The following DYNC2I1 variants were observed in gnomAD, a reference collection of about 807,000 sequenced individuals.
DYNC2I1 encodes the protein dynein 2 intermediate chain 1.
DYNC2I1 carries 89 observed loss-of-function variants against 133.4 expected under a neutral mutation model. The ratio of observed to expected loss-of-function variants is 0.67; its 90% CI spans 0.56 to 0.80. The LOEUF (loss-of-function observed/expected upper bound fraction) is 0.80, where lower values mean the gene tolerates loss of function less well. Ranked by LOEUF, DYNC2I1 falls within the 30% of genes least tolerant of loss-of-function variation. The pLI, the probability that DYNC2I1 is intolerant of heterozygous loss-of-function variation, is 0.00. For missense variants in DYNC2I1, 1,291 were observed against 1,314.5 expected (o/e 0.98, Z 0.28); for synonymous variants, 504 against 484.3 (o/e 1.04, Z -0.54).
intron 4 of DYNC2I1, 125 bp from the exon 5 acceptor site, chr7:158,879,559 T>C (rs1014867796): frequency 2.9e-6 from 3 of 1,040,626 alleles, no homozygotes; most frequent in Non-Finnish European, 2.7e-6. Context: ...ACAGACACGA[T>C]TTTCTTCAAA....
chr7:158,864,924 G>A (rs1192780936), intron 1 of DYNC2I1, among the ~76,000 whole-genome samples: 2 of 152,240 alleles, frequency 1.3e-5, no homozygotes, highest in Non-Finnish European at 2.9e-5. Flanking sequence ...AGCAAGGGGA[G>A]AAGCCCACTG....
At chr7:158,856,843 G>C in intron 1 of DYNC2I1, 93 bp downstream of exon 1, 4 of 1,207,990 alleles carry the variant, frequency 3.3e-6, no homozygotes, top group Non-Finnish European at 4.1e-6. Context: ...CTCCCTTTGC[G>C]CAGCGGTTCT....
downstream of DYNC2I1, among the ~76,000 whole-genome samples, chr7:158,948,569 G>A (rs557068507): frequency 1.7e-5 from 2 of 119,954 alleles, no homozygotes; most frequent in East Asian, 2.8e-4. Flanking sequence ...CTTCGGACAC[G>A]GGAGGTGCTC....
At position 158,906,456 on chromosome 7, in the gene DYNC2I1, TTTTA is replaced by T. The variant is rs538764815; in HGVS notation, c.1460+377_1460+380del. Reference sequence around the variant, plus strand: ...AGGAGTAAATGAAAAAAATAAATATTTTTATTTATTTATTTTTTTGAGACAGAGT... The same window carrying T: ...AGGAGTAAATGAAAAAAATAAATATTTTTATTTATTTTTTTGAGACAGAGT... On this transcript the variant is annotated intron_variant, in intron 11 of 24. Coordinates refer to ENST00000407559, the MANE Select transcript of DYNC2I1 (RefSeq NM_018051.5). Among the ~76,000 whole-genome samples, 216 of 152,208 alleles carry T rather than the reference TTTTA, an allele frequency of 1.4e-3. 1 individual carries two copies. Among genetic ancestry groups the T allele is most frequent in the South Asian group, 0.013 (63 of 4,822 alleles).
chr7:158,940,836 C>T (rs188681996), intron 23 of DYNC2I1, among the ~76,000 whole-genome samples: 4 of 152,134 alleles, frequency 2.6e-5, no homozygotes, highest in Admixed American at 2.6e-4. Flanking sequence ...AAAAGCAATA[C>T]TAAGAGAGAA....
intron 23 of DYNC2I1, 75 bp from the exon 24 acceptor site, chr7:158,941,850 C>T: frequency 6.7e-7 from 1 of 1,498,918 alleles, no homozygotes; most frequent in South Asian, 1.2e-5. Flanking sequence ...GCACTCCAGG[C>T]TGGGTGACAG....
chr7:158,936,323 A>G (rs576004764), intron 23 of DYNC2I1, among the ~76,000 whole-genome samples: 3 of 152,298 alleles, frequency 2.0e-5, no homozygotes, highest in East Asian at 1.9e-4. Flanking sequence ...ATCTTCACCA[A>G]TAAGAACTTA....
At chr7:158,932,619 T>C (rs1263660759) in intron 21 of DYNC2I1, among the ~76,000 whole-genome samples, 1 of 152,148 alleles carries the variant, frequency 6.6e-6, no homozygotes, top group Non-Finnish European at 1.5e-5. Context: ...TTGCAGCACG[T>C]TGAGCCGAGG....
rs142168997 is a variant in DYNC2I1, at chr7:158,919,895, G to A, written c.1921+1026G>A. ...GAGTGTGCGCCGCCCCCAGGGAGCC[G>A]ACACTGAGCAGTGACAGCAGATGCA... On this transcript the variant is annotated intron_variant, in intron 15 of 24. Transcript: ENST00000407559. Among the ~76,000 whole-genome samples, 617 of 152,346 alleles carry A rather than the reference G, an allele frequency of 4.0e-3. 6 individuals are homozygous for A. Among genetic ancestry groups the A allele is most frequent in the African/African-American group, 0.014 (588 of 41,580 alleles).
At position 158,871,518 on chromosome 7, in the gene DYNC2I1, G is replaced by GCGAC. The variant is rs1563086148; in HGVS notation, c.449_452dup (p.Gln152ProfsTer16). 1 of 1,545,266 alleles carries GCGAC rather than the reference G, an allele frequency of 6.5e-7. No individual in the cohort carries two copies. Reference sequence around the variant, plus strand: ...CACAACCTGCTGGGCCAGGAGACACGCGACCGGCAGCTCCTGGAGCGGGCG... The same window carrying GCGAC: ...CACAACCTGCTGGGCCAGGAGACACGCGACCGACCGGCAGCTCCTGGAGCGGGCG... On this transcript the variant is annotated frameshift_variant, in exon 3 of 25. Coordinates refer to ENST00000407559, the MANE Select transcript of DYNC2I1 (RefSeq NM_018051.5). LOFTEE classifies it high-confidence loss of function.
chr7:158,953,820 T>C (rs978803253), intron 4 of DYNC2I1, among the ~76,000 whole-genome samples: 2 of 151,850 alleles, frequency 1.3e-5, no homozygotes, highest in African/African-American at 4.8e-5. Flanking sequence ...CAAATTAGCT[T>C]GGGGAAGGTG....
intron 11 of DYNC2I1, 123 bp downstream of exon 11, chr7:158,906,214 T>A: frequency 2.6e-6 from 2 of 757,824 alleles, no homozygotes; most frequent in Non-Finnish European, 4.3e-6. Context: ...GTGTATGACT[T>A]AATTTGTACT....
chr7:158,941,966 C>G lies in DYNC2I1; in HGVS notation c.2820C>G (p.Ser940Arg). 3.1e-6 allele frequency: 5 copies of G among 1,611,984 alleles called. No individual in the cohort carries two copies. Among genetic ancestry groups the G allele is most frequent in the African/African-American group, 1.3e-5 (1 of 75,044 alleles). The change falls in exon 24 of 25, where the codon AGC becomes AGG. Residue 940 changes from serine (S) to arginine (R), a missense_variant. Coordinates refer to ENST00000407559, the MANE Select transcript of DYNC2I1 (RefSeq NM_018051.5). ...GAAGCATCAGGCTGCACCAGCTGAG[C>G]TCCGCGTTTCCGCTCCTGCAGTGGG... ...SDGSIRLHQLSSAFPLLQWDS... is the reference protein window; with the variant it reads ...SDGSIRLHQLRSAFPLLQWDS...
intron 7 of DYNC2I1, among the ~76,000 whole-genome samples, chr7:158,890,590 T>C (rs1008971718): frequency 6.6e-6 from 1 of 152,122 alleles, no homozygotes; most frequent in Non-Finnish European, 1.5e-5. Context: ...TAGTTTTGGG[T>C]AGTGACTTCT....
At position 158,863,394 on chromosome 7, in the gene DYNC2I1, C is replaced by T. The variant is rs76300036; in HGVS notation, c.16-6461C>T. ...GACAGAAAAGTTCTCCAAGTCCCCA[C>T]CCACCCAGAAGCCCAGGAGGCTTCA... On this transcript the variant is annotated intron_variant, in intron 1 of 24. Transcript: ENST00000407559. 8.2e-3 allele frequency among the ~76,000 whole-genome samples: 1,255 copies of T among 152,168 alleles called. 8 individuals are homozygous for T. Among genetic ancestry groups the T allele is most frequent in the Non-Finnish European group, 0.015 (1,002 of 68,006 alleles).
chr7:158,947,770 C>T (rs1401204970), downstream of DYNC2I1, among the ~76,000 whole-genome samples: 3 of 152,238 alleles, frequency 2.0e-5, no homozygotes, highest in Non-Finnish European at 4.4e-5. Context: ...GAGGTGCAGC[C>T]TCACGGAGGC....
At chr7:158,907,150 C>A (rs1210620026) in intron 11 of DYNC2I1, among the ~76,000 whole-genome samples, 3 of 143,946 alleles carry the variant, frequency 2.1e-5, no homozygotes, top group Admixed American at 1.4e-4. Context: ...AGAGCGAGAC[C>A]CTGTCTCAAA....
intron 4 of DYNC2I1, among the ~76,000 whole-genome samples, chr7:158,951,671 G>A (rs1203182934): frequency 6.6e-6 from 1 of 152,194 alleles, no homozygotes; most frequent in Non-Finnish European, 1.5e-5. Flanking sequence ...GTGAACTGGT[G>A]GTTCTTCCCG....
Position 158,943,576 on chromosome 7 carries a change from G to T in DYNC2I1, c.3002+1428G>T, listed in dbSNP as rs574095090. Among the ~76,000 whole-genome samples the T allele has an allele frequency of 3.8e-3, 572 of 152,340 alleles. 4 individuals are homozygous for T. The highest frequency in any genetic ancestry group is 0.013 in the African/African-American group (536 of 41,574). Reference sequence around the variant, plus strand: ...TCTGGGTGAAGGCAGCAGGGCCTGGGCAGGGGCGGGTAGCACACCCCAAGG... The same window carrying T: ...TCTGGGTGAAGGCAGCAGGGCCTGGTCAGGGGCGGGTAGCACACCCCAAGG... On this transcript the variant is annotated intron_variant, in intron 24 of 24. Coordinates refer to ENST00000407559, the MANE Select transcript of DYNC2I1 (RefSeq NM_018051.5).
Sources: allele counts gnomAD v4.1 joint callset (sites outside exome capture counted in the v4.1 genomes callset), GRCh38; gene constraint gnomAD v4.1.1; transcripts MANE v1.5; gene names NCBI Gene and HGNC (gene_info 2026-07-23, HGNC 2026-07-21).